Variants in CATSPERT observed in about 807,000 individuals in gnomAD.
The protein encoded by CATSPERT is catsper channel auxiliary subunit tau.
chr2:201,619,048 G>T, the CATSPERT span: 1 of 1,614,156 alleles, frequency 6.2e-7, no homozygotes, highest in Non-Finnish European at 8.5e-7. Context: ...CTGCAATAGC[G>T]GGGTGGCGGA....
the CATSPERT span, among the ~76,000 whole-genome samples, chr2:201,569,984 C>T: frequency 1.3e-5 from 2 of 152,028 alleles, no homozygotes; most frequent in African/African-American, 4.8e-5. Flanking sequence ...GAGTTCGAGA[C>T]CAGCCTGGGC....
chr2:201,508,149 TA>T, the CATSPERT span, among the ~76,000 whole-genome samples: 1 of 152,188 alleles, frequency 6.6e-6, no homozygotes, highest in Non-Finnish European at 1.5e-5. Context: ...TTATAGAAAC[TA>T]ACATAAGTTT....
chr2:201,492,665 T>C, the CATSPERT span: 2 of 1,532,528 alleles, frequency 1.3e-6, no homozygotes, highest in Non-Finnish European at 1.7e-6. Context: ...CTCAGCTTTA[T>C]TTCCAAATGT....
chr2:201,545,826 C>T, the CATSPERT span, among the ~76,000 whole-genome samples: 81 of 152,144 alleles, frequency 5.3e-4, no homozygotes, highest in African/African-American at 1.7e-3. Context: ...GAGCCACATA[C>T]TCTGGCTAGG....
At chr2:201,561,303 T>C in the CATSPERT span, among the ~76,000 whole-genome samples, 4 of 152,148 alleles carry the variant, frequency 2.6e-5, no homozygotes, top group African/African-American at 7.2e-5. Flanking sequence ...TGGTGGGTAA[T>C]GTAAGCAAAA....
At chr2:201,534,025 A>G in the CATSPERT span, among the ~76,000 whole-genome samples, 5 of 148,750 alleles carry the variant, frequency 3.4e-5, no homozygotes, top group South Asian at 1.1e-3. Context: ...TTACACGGAA[A>G]GAGAGATCTG....
chr2:201,521,045 A>G, the CATSPERT span, among the ~76,000 whole-genome samples: 1 of 152,188 alleles, frequency 6.6e-6, no homozygotes, highest in African/African-American at 2.4e-5. Flanking sequence ...CCAAGATTGA[A>G]CCAAGAAGAA....
At chr2:201,541,536 TATATATATATATATATATATATA>T in the CATSPERT span, among the ~76,000 whole-genome samples, 1 of 16,166 alleles carries the variant, frequency 6.2e-5, no homozygotes. Context: ...TGATTTTATA[TATATATATATATATATATATATA>T]TATATATATA....
the CATSPERT span, among the ~76,000 whole-genome samples, chr2:201,615,386 C>T: frequency 6.6e-6 from 1 of 152,224 alleles, no homozygotes; most frequent in Non-Finnish European, 1.5e-5. Flanking sequence ...CAAACTACAA[C>T]TCAGGATTAA....
At chr2:201,519,264 C>T in the CATSPERT span, among the ~76,000 whole-genome samples, 2 of 152,156 alleles carry the variant, frequency 1.3e-5, no homozygotes, top group African/African-American at 4.8e-5. Context: ...GACACAAGCA[C>T]AGATTACAGC....
the CATSPERT span, chr2:201,492,660 C>A: frequency 6.5e-7 from 1 of 1,531,228 alleles, no homozygotes; most frequent in Non-Finnish European, 8.7e-7. Flanking sequence ...AAGATCTCAG[C>A]TTTATTTCCA....
the CATSPERT span, among the ~76,000 whole-genome samples, chr2:201,593,138 T>C: frequency 6.6e-6 from 1 of 152,118 alleles, no homozygotes; most frequent in Admixed American, 6.6e-5. Context: ...AATTTCCCTC[T>C]ACACACTGCT....
the CATSPERT span, among the ~76,000 whole-genome samples, chr2:201,532,386 T>C: frequency 6.6e-6 from 1 of 152,148 alleles, no homozygotes; most frequent in African/African-American, 2.4e-5. Context: ...GAATCTAAAT[T>C]AGGGGTGGAG....
At chr2:201,616,835 A>G in the CATSPERT span, among the ~76,000 whole-genome samples, 2 of 152,210 alleles carry the variant, frequency 1.3e-5, no homozygotes, top group Admixed American at 6.5e-5. Flanking sequence ...AAATCTCCTT[A>G]AGCTGATAAG....
At chr2:201,534,923 T>C in the CATSPERT span, 2 of 439,842 alleles carry the variant, frequency 4.5e-6, no homozygotes, top group African/African-American at 2.1e-5. Flanking sequence ...ATAAAAATTA[T>C]ATGTCTATTT....
At chr2:201,596,281 T>C in the CATSPERT span, among the ~76,000 whole-genome samples, 1 of 152,154 alleles carries the variant, frequency 6.6e-6, no homozygotes, top group African/African-American at 2.4e-5. Context: ...TCCAGGGGCA[T>C]GGATGGAGCT....
At chr2:201,494,649 A>G in the CATSPERT span, 1 of 1,536,946 alleles carries the variant, frequency 6.5e-7, no homozygotes, top group South Asian at 1.2e-5. Context: ...TGACCTCTGC[A>G]CCTAAGATAT....
the CATSPERT span, among the ~76,000 whole-genome samples, chr2:201,549,203 A>G: frequency 6.6e-6 from 1 of 152,150 alleles, no homozygotes; most frequent in Non-Finnish European, 1.5e-5. Flanking sequence ...GTTCAAAATA[A>G]TATTTTAAGT....
At chr2:201,552,074 T>G in the CATSPERT span, among the ~76,000 whole-genome samples, 1 of 151,340 alleles carries the variant, frequency 6.6e-6, no homozygotes, top group Admixed American at 6.6e-5. Context: ...CCGTGTGATC[T>G]CGGCTCCACC....
Sources: allele counts gnomAD v4.1 joint callset (sites outside exome capture counted in the v4.1 genomes callset), GRCh38; gene constraint gnomAD v4.1.1; transcripts MANE v1.5; gene names NCBI Gene and HGNC (gene_info 2026-07-23, HGNC 2026-07-21).